RHBDL2: variants seen among roughly 807,000 people sequenced by gnomAD.
RHBDL2 encodes the protein rhomboid like 2, also known as rhomboid-related protein 2.
In RHBDL2, 26 loss-of-function variants were observed where a neutral mutation model predicts 31.7. The ratio of observed to expected loss-of-function variants is 0.82; its 90% confidence interval spans 0.60 to 1.14. The LOEUF (loss-of-function observed/expected upper bound fraction) is 1.14. RHBDL2 is among the 50% of genes most tolerant of loss of function. The pLI is 0.00. For synonymous variants in RHBDL2, 123 were observed against 127.2 expected (o/e 0.97, Z 0.22); for missense variants, 336 against 364.4 (o/e 0.92, Z 0.63).
intron 4 of RHBDL2, among the ~76,000 whole-genome samples, chr1:38,900,060 T>G (rs1241307512): frequency 6.6e-6 from 1 of 152,172 alleles, no homozygotes; most frequent in East Asian, 1.9e-4. Context: ...GTGGGAATAA[T>G]TACCATCTTA....
chr1:38,927,159 G>A (rs902306130), intron 1 of RHBDL2, among the ~76,000 whole-genome samples: 8 of 152,134 alleles, frequency 5.3e-5, no homozygotes, highest in African/African-American at 1.2e-4. Flanking sequence ...AGGGCGCGGT[G>A]GCTCACGCCT....
At chr1:38,926,197 A>T in intron 1 of RHBDL2, 1 of 1,095,076 alleles carries the variant, frequency 9.1e-7, no homozygotes, top group Non-Finnish European at 1.1e-6. Context: ...GGAGGTGAGG[A>T]TGGAAAAAAT....
intron 1 of RHBDL2, among the ~76,000 whole-genome samples, chr1:38,931,879 A>G (rs562498897): frequency 1.3e-5 from 2 of 152,300 alleles, no homozygotes; most frequent in South Asian, 4.1e-4. Flanking sequence ...AGGATGGTAG[A>G]CTAAAGACGG....
intron 1 of RHBDL2, among the ~76,000 whole-genome samples, chr1:38,924,136 G>A (rs1411399048): frequency 6.6e-6 from 1 of 151,634 alleles, no homozygotes; most frequent in South Asian, 2.1e-4. Flanking sequence ...TTGAAATGGT[G>A]GCCTCCCCAT....
intron 5 of RHBDL2, among the ~76,000 whole-genome samples, chr1:38,895,533 G>T (rs1054680605): frequency 6.6e-6 from 1 of 152,156 alleles, no homozygotes; most frequent in Non-Finnish European, 1.5e-5. Flanking sequence ...GCTAGGTGCG[G>T]CAGCTCACGC....
intron 1 of RHBDL2, 95 bp from the exon 2 acceptor site, chr1:38,919,432 G>C (rs1643281270): frequency 4.1e-6 from 5 of 1,229,274 alleles, no homozygotes; most frequent in South Asian, 1.8e-5. Context: ...GTTTTAAAAA[G>C]AGCCAGATGA....
chr1:38,907,056 C>G (rs1026270441), intron 4 of RHBDL2, among the ~76,000 whole-genome samples: 1 of 152,110 alleles, frequency 6.6e-6, no homozygotes, highest in African/African-American at 2.4e-5. Context: ...GAGGGATAGA[C>G]ATAGAGATTG....
At chr1:38,930,167 G>A (rs1437995431) in intron 1 of RHBDL2, among the ~76,000 whole-genome samples, 1 of 152,040 alleles carries the variant, frequency 6.6e-6, no homozygotes, top group East Asian at 1.9e-4. Context: ...GGGGACCAGA[G>A]CCCCAGTCAC....
intron 3 of RHBDL2, among the ~76,000 whole-genome samples, chr1:38,913,012 T>A: frequency 6.9e-6 from 1 of 145,592 alleles, no homozygotes; most frequent in Non-Finnish European, 1.5e-5. Flanking sequence ...AGACAGAGTC[T>A]CACTCTGTCA....
rs1255221108 is a variant in RHBDL2 at position 38,886,624 on chromosome 1, C to A, written c.792G>T (p.Val264=). The A allele has an allele frequency of 6.2e-7, 1 of 1,605,322 alleles. No individual in the cohort carries two copies. The change falls in exon 8 of 8, where the codon GTG becomes GTT. Residue 264 remains valine, a synonymous_variant. Transcript: ENST00000372990. ...GFAGMSIGYT[V]FSCFDKALLK... is the part of the protein sequence containing the mutation. ...GCAGTGCTTTATCAAAGCAGCTAAA[C>A]ACCGTGTAGCCAATGGACATTCCAG...
rs7526274 is a variant in RHBDL2, at chr1:38,920,132, T to C, written c.-125-795A>G. ...CAATACATATGTACCATCCAGTATG[T>C]GGCCTTTTGTGGTTGGCTTCCTTCA... On this transcript the variant is annotated intron_variant, in intron 1 of 7. Transcript: ENST00000372990. Among the ~76,000 whole-genome samples, 1,032 of 151,124 alleles carry C rather than the reference T, an allele frequency of 6.8e-3. 19 individuals carry two copies. The highest frequency in any genetic ancestry group is 0.024 in the African/African-American group (977 of 41,164).
intron 3 of RHBDL2, 74 bp downstream of exon 3, chr1:38,915,488 A>C: frequency 6.9e-7 from 1 of 1,447,920 alleles, no homozygotes; most frequent in Non-Finnish European, 9.6e-7. Context: ...TCAATAATAA[A>C]GCACTCAACA....
chr1:38,916,358 A>G (rs1643235265), intron 2 of RHBDL2, among the ~76,000 whole-genome samples: 1 of 152,222 alleles, frequency 6.6e-6, no homozygotes, highest in Non-Finnish European at 1.5e-5. Context: ...AGTCCCCCTC[A>G]AGACTATCAG....
intron 4 of RHBDL2, among the ~76,000 whole-genome samples, chr1:38,905,791 G>A (rs1643057562): frequency 6.7e-6 from 1 of 150,300 alleles, no homozygotes; most frequent in Non-Finnish European, 1.5e-5. Flanking sequence ...GCTCAGGCCA[G>A]GCATAGTTGC....
At chr1:38,914,471 A>G (rs1156384540) in intron 3 of RHBDL2, among the ~76,000 whole-genome samples, 1 of 151,456 alleles carries the variant, frequency 6.6e-6, no homozygotes, top group African/African-American at 2.4e-5. Flanking sequence ...TGAACTCCTG[A>G]CCTCAGGTGA....
At chr1:38,941,499 T>C (rs897837600) in intron 1 of RHBDL2, among the ~76,000 whole-genome samples, 183 bp downstream of exon 1, 2 of 152,028 alleles carry the variant, frequency 1.3e-5, no homozygotes, top group Non-Finnish European at 2.9e-5. Context: ...ACTTTTAAAA[T>C]GAAAGTAGCA....
chr1:38,904,117 T>A (rs1186076921), intron 4 of RHBDL2, among the ~76,000 whole-genome samples: 2 of 152,302 alleles, frequency 1.3e-5, no homozygotes, highest in African/African-American at 4.8e-5. Context: ...ATAATAAAAC[T>A]TCTAGGAGAA....
At chr1:38,931,424 G>A (rs1643437578) in intron 1 of RHBDL2, among the ~76,000 whole-genome samples, 1 of 152,080 alleles carries the variant, frequency 6.6e-6, no homozygotes, top group African/African-American at 2.4e-5. Context: ...GGAAGGCTGA[G>A]GCAGGAGAAT....
intron 7 of RHBDL2, 50 bp from the exon 8 acceptor site, chr1:38,886,733 G>T (rs1001312023): frequency 1.5e-6 from 2 of 1,372,866 alleles, no homozygotes; most frequent in African/African-American, 1.4e-5. Flanking sequence ...AATGCTAATT[G>T]TGTATTTCAG....
Sources: gnomAD v4.1 joint callset for allele counts (sites outside exome capture counted in the v4.1 genomes callset) on GRCh38, gnomAD v4.1.1 for gene constraint, MANE v1.5 for transcripts, NCBI Gene and HGNC (gene_info 2026-07-23, HGNC 2026-07-21) for gene names.